INVS: variants seen among roughly 807,000 people sequenced by gnomAD.
The protein encoded by INVS is inversin.
In INVS, 86 loss-of-function variants were observed where a neutral mutation model predicts 108.8. That is an observed-to-expected ratio of 0.79 (90% CI 0.66 to 0.95). The LOEUF (loss-of-function observed/expected upper bound fraction) is 0.95. Ranked by LOEUF, INVS falls within the 40% of genes least tolerant of loss-of-function variation. The probability of loss-of-function intolerance (pLI) is 0.00; values close to 1 mark genes in which losing one functional copy is unlikely to be tolerated. For missense variants in INVS, 1,169 were observed against 1,297.4 expected (o/e 0.90, Z 1.52); for synonymous variants, 455 against 473.5 (o/e 0.96, Z 0.51).
intron 3 of INVS, among the ~76,000 whole-genome samples, chr9:100,131,544 C>G (rs1020550559): frequency 6.6e-6 from 1 of 152,096 alleles, no homozygotes; most frequent in Non-Finnish European, 1.5e-5. Context: ...TTGGTCATAC[C>G]TTTTCTGGGC....
intron 3 of INVS, among the ~76,000 whole-genome samples, chr9:100,146,086 TC>T (rs34075098): frequency 0.21 from 31,820 of 151,590 alleles, 5,653 homozygotes; most frequent in African/African-American, 0.49. Context: ...CCAAGGGAGG[TC>T]CCCCCGATCC....
At chr9:100,239,753 C>T (rs1831806183) in intron 5 of INVS, among the ~76,000 whole-genome samples, 1 of 152,040 alleles carries the variant, frequency 6.6e-6, no homozygotes, top group Admixed American at 6.6e-5. Flanking sequence ...AGGAGAATTG[C>T]TTGAGCCTAG....
intron 3 of INVS, among the ~76,000 whole-genome samples, chr9:100,155,641 G>A (rs970696645): frequency 3.9e-5 from 6 of 152,192 alleles, no homozygotes; most frequent in African/African-American, 1.2e-4. Context: ...CCCAGCCCAA[G>A]TGACTTTAAA....
chr9:100,239,512 C>T (rs968072501), intron 5 of INVS, among the ~76,000 whole-genome samples: 1 of 151,966 alleles, frequency 6.6e-6, no homozygotes, highest in Non-Finnish European at 1.5e-5. Flanking sequence ...ATGTTGACAC[C>T]TTTTTAATCT....
intron 8 of INVS, among the ~76,000 whole-genome samples, chr9:100,251,236 G>A (rs928446891): frequency 1.3e-5 from 2 of 151,594 alleles, no homozygotes; most frequent in Non-Finnish European, 2.9e-5. Context: ...TGTATTCTTT[G>A]CTAAACACCC....
At chr9:100,133,168 G>A (rs149592344) in intron 3 of INVS, among the ~76,000 whole-genome samples, 62 of 152,194 alleles carry the variant, frequency 4.1e-4, no homozygotes, top group Non-Finnish European at 7.4e-4. Context: ...CTAATACCTC[G>A]AAGAGATCAA....
chr9:100,196,738 T>C (rs1564154300), intron 3 of INVS, among the ~76,000 whole-genome samples: 2 of 149,532 alleles, frequency 1.3e-5, no homozygotes, highest in African/African-American at 4.9e-5. Context: ...ATTACCTAAT[T>C]GTATACATAG....
At chr9:100,259,245 G>A (rs1383782432) in intron 10 of INVS, among the ~76,000 whole-genome samples, 1 of 152,196 alleles carries the variant, frequency 6.6e-6, no homozygotes, top group Non-Finnish European at 1.5e-5. Context: ...ATCTCCTGGT[G>A]TGCCGTCTGC....
chr9:100,169,098 G>A (rs956088424), intron 3 of INVS, among the ~76,000 whole-genome samples: 4 of 152,196 alleles, frequency 2.6e-5, no homozygotes, highest in African/African-American at 9.6e-5. Context: ...GTATGGATAT[G>A]TGACAGTTAT....
intron 11 of INVS, among the ~76,000 whole-genome samples, chr9:100,265,325 T>C (rs927142330): frequency 6.6e-6 from 1 of 152,182 alleles, no homozygotes; most frequent in Non-Finnish European, 1.5e-5. Flanking sequence ...GGTTAGATAT[T>C]GTTCAGAAAT....
At chr9:100,117,198 C>T in intron 2 of INVS, 1 of 1,029,918 alleles carries the variant, frequency 9.7e-7, no homozygotes, top group Non-Finnish European at 1.5e-6. Flanking sequence ...GTGGCCACTT[C>T]CTTGGAGCAC....
chr9:100,261,770 C>A (rs1006040389), intron 10 of INVS, among the ~76,000 whole-genome samples: 2 of 152,056 alleles, frequency 1.3e-5, no homozygotes, highest in African/African-American at 2.4e-5. Flanking sequence ...CTTTTCATTT[C>A]TTTGCTGTGC....
intron 3 of INVS, among the ~76,000 whole-genome samples, chr9:100,139,069 G>A (rs762211077): frequency 3.3e-5 from 5 of 152,182 alleles, no homozygotes; most frequent in African/African-American, 4.8e-5. Context: ...TGTAGGGAGA[G>A]ATTTCTTTTA....
chr9:100,184,042 TTAACTC>T (rs1829981288), intron 3 of INVS, among the ~76,000 whole-genome samples: 1 of 152,074 alleles, frequency 6.6e-6, no homozygotes, highest in South Asian at 2.1e-4. Flanking sequence ...TGATACAACA[TTAACTC>T]TAAATAGACT....
chr9:100,211,514 C>CT (rs1478696563), intron 3 of INVS, among the ~76,000 whole-genome samples: 1 of 152,082 alleles, frequency 6.6e-6, no homozygotes, highest in Admixed American at 6.6e-5. Context: ...AGAGAAAAGC[C>CT]TTTTTTTGAC....
chr9:100,253,176 AT>A, intron 10 of INVS, 40 bp downstream of exon 10: 1 of 1,460,812 alleles, frequency 6.8e-7, no homozygotes, highest in Non-Finnish European at 9.6e-7. Context: ...GCTCCAAAGA[AT>A]TTAGAGTATT....
At chr9:100,276,686 T>C (rs774232389) in intron 12 of INVS, among the ~76,000 whole-genome samples, 5 of 152,076 alleles carry the variant, frequency 3.3e-5, no homozygotes, top group African/African-American at 4.8e-5. Flanking sequence ...TTTTTGTATT[T>C]TTAGTAGAGA....
At chr9:100,140,679 G>A (rs1488672474) in intron 3 of INVS, among the ~76,000 whole-genome samples, 2 of 152,162 alleles carry the variant, frequency 1.3e-5, no homozygotes, top group Non-Finnish European at 2.9e-5. Context: ...GGTACGGAGA[G>A]ATAATGGGCG....
chr9:100,252,535 A>G (rs754223640), intron 9 of INVS, 97 bp downstream of exon 9: 20 of 1,138,970 alleles, frequency 1.8e-5, no homozygotes, highest in Non-Finnish European at 2.3e-5. Flanking sequence ...AGAAAGCTGC[A>G]CAAGTACAAG....
Sources: gnomAD v4.1 joint callset for allele counts (sites outside exome capture counted in the v4.1 genomes callset) on GRCh38, gnomAD v4.1.1 for gene constraint, MANE v1.5 for transcripts, NCBI Gene and HGNC (gene_info 2026-07-23, HGNC 2026-07-21) for gene names.